The following WNK3 variants were observed in gnomAD, a reference collection of about 807,000 sequenced individuals.
WNK3 encodes WNK lysine deficient protein kinase 3.
Under a neutral mutation model 116.7 loss-of-function variants are expected in WNK3, and 18 were observed. The ratio of observed to expected loss-of-function variants is 0.15; its 90% CI spans 0.11 to 0.23. The LOEUF is 0.23. WNK3 is among the 10% of genes least tolerant of loss of function. The pLI, the probability that WNK3 is intolerant of heterozygous loss-of-function variation, is 1.00. For missense variants in WNK3, 993 were observed against 1,323.8 expected (o/e 0.75, Z 3.88); for synonymous variants, 404 against 469.4 (o/e 0.86, Z 1.80).
intron 17 of WNK3, among the ~76,000 whole-genome samples, chrX:54,245,660 A>G: frequency 8.9e-6 from 1 of 112,164 alleles, no homozygotes; most frequent in Non-Finnish European, 1.9e-5. Flanking sequence ...GGTCTACTTC[A>G]TGCTTTTAAA....
intron 3 of WNK3, among the ~76,000 whole-genome samples, chrX:54,310,746 T>A (rs944724151): frequency 2.5e-4 from 28 of 110,299 alleles, no homozygotes; most frequent in African/African-American, 8.9e-4. Context: ...CTTTTTTTTT[T>A]TGAGACAGGA....
At chrX:54,306,996 G>A (rs911424306) in intron 5 of WNK3, among the ~76,000 whole-genome samples, 21 of 109,726 alleles carry the variant, frequency 1.9e-4, no homozygotes, top group Admixed American at 1.5e-3. Context: ...TTGGGAGGCC[G>A]AGGTGGGCGA....
chrX:54,216,601 A>G (rs1557145358), intron 22 of WNK3, among the ~76,000 whole-genome samples: 1 of 111,660 alleles, frequency 9.0e-6, no homozygotes, highest in Non-Finnish European at 1.9e-5. Flanking sequence ...TTGGCAATAT[A>G]AAAGTCTGGC....
At chrX:54,309,532 G>T (rs1165594527) in intron 3 of WNK3, among the ~76,000 whole-genome samples, 1 of 111,237 alleles carries the variant, frequency 9.0e-6, no homozygotes, top group African/African-American at 3.3e-5. Flanking sequence ...TTGTTTGGTT[G>T]GTTGGTTGGT....
intron 2 of WNK3, among the ~76,000 whole-genome samples, chrX:54,314,646 G>T (rs782166806): frequency 9.0e-6 from 1 of 110,908 alleles, no homozygotes; most frequent in Admixed American, 9.7e-5. Context: ...GTGTATGTCT[G>T]TAGTCCCAGC....
intron 3 of WNK3, 137 bp from the exon 4 acceptor site, chrX:54,309,452 T>C (rs968710120): frequency 4.3e-6 from 2 of 469,896 alleles, no homozygotes; most frequent in East Asian, 7.4e-5. Context: ...TTGTCTGTTA[T>C]GGCAAAACAA....
intron 2 of WNK3, among the ~76,000 whole-genome samples, chrX:54,315,302 C>CA (rs1162816570): frequency 0.031 from 1,116 of 36,001 alleles, 22 homozygotes; most frequent in African/African-American, 0.084. Flanking sequence ...GACCTTGTCT[C>CA]AAAAAAAAAA....
intron 10 of WNK3, among the ~76,000 whole-genome samples, chrX:54,277,259 A>C (rs1480221669): frequency 8.9e-5 from 10 of 111,753 alleles, no homozygotes; most frequent in South Asian, 3.8e-4. Flanking sequence ...CAATAAAAGG[A>C]AAATAAGAAA....
intron 1 of WNK3, among the ~76,000 whole-genome samples, chrX:54,346,244 CTTA>C (rs1336768370): frequency 2.8e-5 from 2 of 70,264 alleles, no homozygotes; most frequent in Admixed American, 4.8e-4. Flanking sequence ...CTTTTGTGAA[CTTA>C]TTATTTTGGA....
chrX:54,279,994 T>C (rs1214965679), intron 10 of WNK3, among the ~76,000 whole-genome samples: 1 of 112,562 alleles, frequency 8.9e-6, no homozygotes, highest in African/African-American at 3.2e-5. Context: ...GCAAGAATAA[T>C]TTTTTAAAAA....
chrX:54,248,605 T>C, intron 17 of WNK3, 92 bp downstream of exon 17: 1 of 810,395 alleles, frequency 1.2e-6, no homozygotes, highest in Non-Finnish European at 1.7e-6. Context: ...CATAGACCAT[T>C]TCATCTCAAA....
chrX:54,302,699 T>TTCTCTCTCTC lies in WNK3; in HGVS notation c.1090-850_1090-841dup, dbSNP rs782673409. On this transcript the variant is annotated intron_variant, in intron 5 of 23. Coordinates refer to ENST00000354646, the Ensembl canonical transcript of WNK3. ...GGCTTCTCTATTTCAAACATTCCAA[T>TTCTCTCTCTC]TCTCTCTCTCTCTCTCTCTCTCTCT... 5.4e-3 allele frequency among the ~76,000 whole-genome samples: 127 copies of TTCTCTCTCTC among 23,309 alleles called. 2 individuals carry two copies. Among genetic ancestry groups the TTCTCTCTCTC allele is most frequent in the Middle Eastern group, 0.043 (1 of 23 alleles). 20.2% of individuals were successfully genotyped at this position (23,309 alleles called of 115,157 possible). A position where few individuals can be genotyped will look rare whatever the true frequency, so the allele number is the denominator to read the frequency against.
chrX:54,302,293 A>C (rs2068765731), intron 5 of WNK3, among the ~76,000 whole-genome samples: 1 of 111,404 alleles, frequency 9.0e-6, no homozygotes, highest in Non-Finnish European at 1.9e-5. Flanking sequence ...TATAATAAAC[A>C]AGTTTATTTA....
exon 17 of WNK3, chrX:54,249,154 T>C (rs2068102449): frequency 2.5e-5 from 30 of 1,211,589 alleles, no homozygotes; most frequent in Non-Finnish European, 3.4e-5. Context: ...TGCTTCAGTG[T>C]TCACTGTAGT....
intron 5 of WNK3, among the ~76,000 whole-genome samples, chrX:54,306,251 A>C (rs1459258685): frequency 9.0e-6 from 1 of 110,886 alleles, no homozygotes; most frequent in African/African-American, 3.3e-5. Context: ...GAACTTCCCC[A>C]AAAAAACTAA....
chrX:54,318,927 G>C (rs1428765159), intron 2 of WNK3, among the ~76,000 whole-genome samples: 1 of 109,373 alleles, frequency 9.1e-6, no homozygotes, highest in Non-Finnish European at 1.9e-5. Context: ...ACAGGTGCCC[G>C]CCATCACGCC....
At chrX:54,283,973 C>T (rs1274624075) in intron 10 of WNK3, among the ~76,000 whole-genome samples, 1 of 109,623 alleles carries the variant, frequency 9.1e-6, no homozygotes, top group African/African-American at 3.3e-5. Flanking sequence ...ATGAAAGTTT[C>T]CTTGTAACTT....
chrX:54,278,986 T>C lies in WNK3; in HGVS notation c.2037+13902A>G, dbSNP rs1055128968. Among the ~76,000 whole-genome samples the C allele has an allele frequency of 2.1e-4, 23 of 111,246 alleles. 1 individual carries two copies. Among genetic ancestry groups the C allele is most frequent in the South Asian group, 3.7e-4 (1 of 2,695 alleles). ...GGGAGGCTGAGGCAGGAGAATCACTTGAACCCGGGAGGCGGAGGTTGCAGT... is the reference window on the plus strand; with the variant it reads ...GGGAGGCTGAGGCAGGAGAATCACTCGAACCCGGGAGGCGGAGGTTGCAGT... On this transcript the variant is annotated intron_variant, in intron 10 of 23. Transcript: ENST00000354646.
At chrX:54,202,002 T>G (rs1557141728) in exon 23 of WNK3, 1 of 1,211,153 alleles carries the variant, frequency 8.3e-7, no homozygotes, top group Non-Finnish European at 1.1e-6. Context: ...TCAGATACTT[T>G]ATTCCAGTTT....
Sources: allele counts gnomAD v4.1 joint callset (sites outside exome capture counted in the v4.1 genomes callset), GRCh38; gene constraint gnomAD v4.1.1; transcripts MANE v1.5; gene names NCBI Gene and HGNC (gene_info 2026-07-23, HGNC 2026-07-21).